GABRB1: variants seen among roughly 807,000 people sequenced by gnomAD.
GABRB1 encodes gamma-aminobutyric acid type A receptor subunit beta1.
In GABRB1, 17 loss-of-function variants were observed where a neutral mutation model predicts 51.6. The ratio of observed to expected loss-of-function variants is 0.33; its 90% CI spans 0.23 to 0.49. GABRB1 has a LOEUF of 0.49. Among genes scored for constraint, GABRB1 ranks in the 20% least tolerant of loss-of-function variants. GABRB1 has a pLI of 0.99. For synonymous variants in GABRB1, 247 were observed against 218.9 expected, an observed-to-expected ratio of 1.13 and a Z score of -1.14; for missense variants, 410 against 600.6, an observed-to-expected ratio of 0.68 and a Z score of 3.32.
At chr4:47,330,207 C>A (rs149842176) in intron 5 of GABRB1, among the ~76,000 whole-genome samples, 3 of 152,098 alleles carry the variant, frequency 2.0e-5, no homozygotes, top group Non-Finnish European at 4.4e-5. Context: ...TGACGCTCAC[C>A]CACGTTGTGG....
intron 5 of GABRB1, among the ~76,000 whole-genome samples, chr4:47,385,713 C>T (rs530066150): frequency 1.3e-5 from 2 of 152,254 alleles, no homozygotes; most frequent in African/African-American, 4.8e-5. Flanking sequence ...TTTAATGCCT[C>T]GGTCCCAGAA....
At chr4:47,321,550 AC>A (rs996781833) in intron 5 of GABRB1, among the ~76,000 whole-genome samples, 1 of 150,698 alleles carries the variant, frequency 6.6e-6, no homozygotes, top group Non-Finnish European at 1.5e-5. Context: ...ATTGATGGTA[AC>A]TTTTGGTTCA....
chr4:47,146,275 C>T (rs1717167041), intron 3 of GABRB1, among the ~76,000 whole-genome samples: 1 of 151,946 alleles, frequency 6.6e-6, no homozygotes, highest in South Asian at 2.1e-4. Flanking sequence ...ATAATAAATG[C>T]CTCTGTCTTT....
intron 3 of GABRB1, among the ~76,000 whole-genome samples, chr4:47,102,419 A>G (rs975140469): frequency 2.0e-5 from 3 of 152,008 alleles, no homozygotes; most frequent in Non-Finnish European, 4.4e-5. Context: ...TGTGGAGTTG[A>G]ACAAGTAAAT....
intron 4 of GABRB1, among the ~76,000 whole-genome samples, chr4:47,294,569 G>A (rs1211103407): frequency 2.0e-5 from 3 of 152,260 alleles, no homozygotes; most frequent in Non-Finnish European, 4.4e-5. Flanking sequence ...GCCCGCCATT[G>A]CCCAGGCTTG....
chr4:47,399,388 T>C (rs201847278), intron 5 of GABRB1, among the ~76,000 whole-genome samples: 1 of 152,244 alleles, frequency 6.6e-6, no homozygotes, highest in East Asian at 1.9e-4. Flanking sequence ...ACTGTTTAAG[T>C]AGCAATAGAA....
At chr4:47,251,055 G>A (rs1265380998) in intron 4 of GABRB1, among the ~76,000 whole-genome samples, 2 of 152,118 alleles carry the variant, frequency 1.3e-5, no homozygotes, top group Non-Finnish European at 2.9e-5. Flanking sequence ...TGGTTTTCTG[G>A]TTCCTTCTCA....
chr4:47,110,519 CA>C (rs1715172568), intron 3 of GABRB1, among the ~76,000 whole-genome samples: 1 of 152,064 alleles, frequency 6.6e-6, no homozygotes, highest in Non-Finnish European at 1.5e-5. Context: ...TTTGCTTAAT[CA>C]AAAAGCTATT....
chr4:47,102,294 C>T (rs747480836), intron 3 of GABRB1, among the ~76,000 whole-genome samples: 9 of 151,912 alleles, frequency 5.9e-5, no homozygotes, highest in Non-Finnish European at 8.8e-5. Flanking sequence ...AAGCCATTAG[C>T]AACAAATAGC....
intron 3 of GABRB1, among the ~76,000 whole-genome samples, chr4:47,044,646 T>C (rs1038734724): frequency 2.0e-5 from 3 of 152,198 alleles, no homozygotes; most frequent in Admixed American, 1.3e-4. Flanking sequence ...TGGTATTTTT[T>C]ATTTCATATT....
At chr4:47,156,282 CATT>C (rs1313264627) in intron 3 of GABRB1, among the ~76,000 whole-genome samples, 4 of 151,834 alleles carry the variant, frequency 2.6e-5, no homozygotes, top group Non-Finnish European at 2.9e-5. Flanking sequence ...GATGATATCT[CATT>C]GTGGTTTTGA....
intron 3 of GABRB1, among the ~76,000 whole-genome samples, chr4:47,103,166 ATTGAGT>A (rs995555175): frequency 3.3e-5 from 5 of 152,038 alleles, no homozygotes; most frequent in African/African-American, 1.2e-4. Flanking sequence ...CATTCAAGAC[ATTGAGT>A]TTAAAGCAAA....
chr4:47,014,316 A>G (rs548093730), intron 1 of GABRB1, among the ~76,000 whole-genome samples: 2 of 152,174 alleles, frequency 1.3e-5, no homozygotes, highest in Admixed American at 6.5e-5. Flanking sequence ...GCAGCTAGCT[A>G]TTCTTTGCCC....
chr4:47,404,871 T>C (rs1187866363), intron 7 of GABRB1, among the ~76,000 whole-genome samples: 3 of 152,206 alleles, frequency 2.0e-5, no homozygotes, highest in Non-Finnish European at 2.9e-5. Context: ...AGTTTATGAA[T>C]TGTGGTTTTC....
intron 1 of GABRB1, among the ~76,000 whole-genome samples, chr4:47,007,280 G>C (rs1724436529): frequency 6.6e-6 from 1 of 152,138 alleles, no homozygotes; most frequent in Non-Finnish European, 1.5e-5. Flanking sequence ...TATTATTAAA[G>C]AGAGATATTT....
intron 4 of GABRB1, among the ~76,000 whole-genome samples, chr4:47,276,740 A>G (rs1402700634): frequency 6.6e-6 from 1 of 152,120 alleles, no homozygotes; most frequent in Non-Finnish European, 1.5e-5. Context: ...CACTATTGAT[A>G]TTTTCAGCCA....
chr4:47,406,563 C>A, intron 7 of GABRB1, 119 bp from the exon 8 acceptor site: 1 of 1,234,818 alleles, frequency 8.1e-7, no homozygotes, highest in African/African-American at 1.5e-5. Context: ...GTTTATCATG[C>A]TACTGTGATC....
At chr4:47,408,966 AG>A (rs1478699950) in intron 8 of GABRB1, among the ~76,000 whole-genome samples, 5 of 152,356 alleles carry the variant, frequency 3.3e-5, no homozygotes, top group African/African-American at 1.2e-4. Flanking sequence ...TAATGAAGAA[AG>A]CAGGGCCCTT....
chr4:47,128,642 AT>A (rs1408873166), intron 3 of GABRB1, among the ~76,000 whole-genome samples: 1 of 151,936 alleles, frequency 6.6e-6, no homozygotes, highest in Non-Finnish European at 1.5e-5. Flanking sequence ...TGCATTTAAG[AT>A]TTTTTTATTT....
Sources: allele counts gnomAD v4.1 joint callset (sites outside exome capture counted in the v4.1 genomes callset), GRCh38; gene constraint gnomAD v4.1.1; transcripts MANE v1.5; gene names NCBI Gene and HGNC (gene_info 2026-07-23, HGNC 2026-07-21).